MED12L: variants seen among roughly 807,000 people sequenced by gnomAD.
MED12L encodes the protein mediator of RNA polymerase II transcription subunit 12-like protein.
A neutral mutation model predicts 281.3 loss-of-function variants in MED12L; 60 were observed. The ratio of observed to expected loss-of-function variants is 0.21; its 90% CI spans 0.17 to 0.26. The LOEUF is 0.26. Ranked by LOEUF, MED12L falls within the 10% of genes least tolerant of loss-of-function variation. The pLI is 1.00. For synonymous variants in MED12L, 974 were observed against 987.2 expected, an observed-to-expected ratio of 0.99 and a Z score of 0.25; for missense variants, 2,146 against 2,680.9, an observed-to-expected ratio of 0.80 and a Z score of 4.41.
intron 2 of MED12L, among the ~76,000 whole-genome samples, chr3:151,090,659 T>C (rs946284603): frequency 6.6e-6 from 1 of 152,218 alleles, no homozygotes; most frequent in African/African-American, 2.4e-5. Flanking sequence ...CCTTTGCATC[T>C]ATCTGCTTTG....
rs1401960657 is a variant in MED12L, at chr3:151,086,745, TCTGCTGCCGGG to T, written c.-129-51_-129-41del. The T allele has an allele frequency of 9.2e-6, 5 of 543,560 alleles. No individual in the cohort carries two copies. In the East Asian group the frequency reaches 1.6e-4, roughly 18 times the overall value. The allele number at this position is 543,560 out of a possible 1,614,324, so 33.7% of individuals were successfully genotyped here. On this transcript the variant is annotated intron_variant, in intron 1 of 44. Transcript: ENST00000687756. ...CGAAGGCTGTCCCCATCAGTGCGTG[TCTGCTGCCGGG>T]CAGCGGCAGCATCCAACCTGCTTTA...
At position 151,363,862 on chromosome 3, in the gene MED12L, G is replaced by A. The variant is rs888033412; in HGVS notation, c.2958-1117G>A. On this transcript the variant is annotated intron_variant, in intron 21 of 44. Coordinates refer to ENST00000687756, the MANE Select transcript of MED12L (RefSeq NM_001393769.1). ...GGAATAGAGCTGAAACTACATTTTG[G>A]TAAACATTGAACTGAACAATCTCTG... 2.0e-5 allele frequency among the ~76,000 whole-genome samples: 3 copies of A among 152,202 alleles called. No homozygotes were observed. In the South Asian group the frequency reaches 6.2e-4, roughly 32 times the overall value.
At chr3:151,287,917 C>CT (rs113636201) in intron 16 of MED12L, among the ~76,000 whole-genome samples, 17,605 of 152,144 alleles carry the variant, frequency 0.12, 1,284 homozygotes, top group Middle Eastern at 0.18. Context: ...TCATTGCTTT[C>CT]TTTTTTTACC....
intron 16 of MED12L, among the ~76,000 whole-genome samples, chr3:151,304,576 A>T (rs28734805): frequency 0.12 from 16,784 of 144,548 alleles, 1,225 homozygotes; most frequent in Middle Eastern, 0.17. Context: ...TCAAAAAAAA[A>T]TTTTTTTTCC....
intron 16 of MED12L, among the ~76,000 whole-genome samples, chr3:151,250,134 A>G (rs901818074): frequency 2.0e-5 from 3 of 152,170 alleles, no homozygotes; most frequent in East Asian, 1.9e-4. Flanking sequence ...CCACTTTCCC[A>G]TTCACTCTGT....
intron 26 of MED12L, 87 bp downstream of exon 26, chr3:151,369,636 T>G (rs549473901): frequency 5.0e-5 from 43 of 860,748 alleles, no homozygotes; most frequent in East Asian, 7.9e-5. Flanking sequence ...TCTAGTAGTA[T>G]TATTGGAAAC....
chr3:151,414,864 C>A (rs1338886508), intron 42 of MED12L, among the ~76,000 whole-genome samples: 3 of 152,052 alleles, frequency 2.0e-5, no homozygotes, highest in Non-Finnish European at 4.4e-5. Context: ...ACTTATAGTA[C>A]CTATCTCTTA....
chr3:151,239,765 G>C (rs1184291818), intron 16 of MED12L, among the ~76,000 whole-genome samples: 4 of 152,098 alleles, frequency 2.6e-5, no homozygotes, highest in African/African-American at 9.7e-5. Context: ...AAGAGATTTT[G>C]TTATGGTTGT....
At chr3:151,164,759 A>C (rs1389003477) in intron 9 of MED12L, among the ~76,000 whole-genome samples, 2 of 151,920 alleles carry the variant, frequency 1.3e-5, no homozygotes, top group Non-Finnish European at 2.9e-5. Flanking sequence ...ACAAAAAAAA[A>C]CCAAACACCG....
chr3:151,337,512 A>G (rs939175453), intron 16 of MED12L: 1 of 299,854 alleles, frequency 3.3e-6, no homozygotes, highest in Non-Finnish European at 6.3e-6. Context: ...AGTAAATATT[A>G]TATGATTACT....
At chr3:151,432,349 C>G (rs1719632202) in intron 44 of MED12L, among the ~76,000 whole-genome samples, 1 of 152,166 alleles carries the variant, frequency 6.6e-6, no homozygotes, top group African/African-American at 2.4e-5. Context: ...CAGAAAATTG[C>G]CCAGTTCCAA....
chr3:151,418,392 T>A (rs1257636087), intron 43 of MED12L, among the ~76,000 whole-genome samples: 1 of 152,220 alleles, frequency 6.6e-6, no homozygotes, highest in Non-Finnish European at 1.5e-5. Flanking sequence ...TGGTTCAGGA[T>A]CATCACATTT....
intron 39 of MED12L, 122 bp downstream of exon 39, chr3:151,394,989 A>T (rs1309934789): frequency 3.8e-5 from 48 of 1,258,018 alleles, no homozygotes; most frequent in Non-Finnish European, 5.2e-5. Context: ...GTGTGAGTGC[A>T]GGTCTATCTC....
At chr3:151,153,076 A>C (rs1474962427) in intron 5 of MED12L, among the ~76,000 whole-genome samples, 1 of 152,222 alleles carries the variant, frequency 6.6e-6, no homozygotes, top group African/African-American at 2.4e-5. Flanking sequence ...AGCAAGGCAC[A>C]ATTTTTGTAC....
chr3:151,377,204 A>G lies in MED12L; in HGVS notation c.4316+26A>G, dbSNP rs775098509. 5.1e-6 allele frequency: 8 copies of G among 1,583,960 alleles called. 1 individual carries two copies. In the South Asian group the frequency reaches 6.9e-5, roughly 14 times the overall value. ...GTATTTTTGTCTGTTGTTTTATTGA[A>G]CTGTCATGAATTTTTCACAAGTAAC... On this transcript the variant is annotated intron_variant, in intron 30 of 44. Transcript: ENST00000687756.
chr3:151,202,886 T>A (rs953189856), intron 16 of MED12L, among the ~76,000 whole-genome samples: 59 of 152,192 alleles, frequency 3.9e-4, no homozygotes, highest in African/African-American at 1.2e-3. Flanking sequence ...CAGTCTGGTG[T>A]CAATTATCCT....
intron 16 of MED12L, among the ~76,000 whole-genome samples, chr3:151,262,441 G>T (rs1305928618): frequency 1.3e-5 from 2 of 152,178 alleles, no homozygotes; most frequent in African/African-American, 4.8e-5. Flanking sequence ...GGTACCTATG[G>T]GGTGGCCCTG....
At chr3:151,142,684 C>T (rs924360654) in intron 5 of MED12L, among the ~76,000 whole-genome samples, 17 of 152,278 alleles carry the variant, frequency 1.1e-4, no homozygotes, top group Admixed American at 8.5e-4. Context: ...TTGGTGCTTG[C>T]TCCATACTGT....
intron 17 of MED12L, among the ~76,000 whole-genome samples, chr3:151,352,360 T>A (rs1165591600): frequency 1.3e-5 from 2 of 152,180 alleles, no homozygotes; most frequent in African/African-American, 4.8e-5. Flanking sequence ...TGGAACCACA[T>A]CGTTGGGAGG....
Sources: gnomAD v4.1 joint callset for allele counts (sites outside exome capture counted in the v4.1 genomes callset) on GRCh38, gnomAD v4.1.1 for gene constraint, MANE v1.5 for transcripts, NCBI Gene and HGNC (gene_info 2026-07-23, HGNC 2026-07-21) for gene names.